Variants in BCKDHB observed in about 807,000 individuals in gnomAD.
The protein encoded by BCKDHB is 2-oxoisovalerate dehydrogenase subunit beta, mitochondrial.
A neutral mutation model predicts 48.5 loss-of-function variants in BCKDHB; 41 were observed. The observed-to-expected ratio is 0.85, with a 90% CI of 0.66 to 1.10. The LOEUF (loss-of-function observed/expected upper bound fraction) is 1.10. Among genes scored for constraint, BCKDHB ranks in the 50% least tolerant of loss-of-function variants. The pLI, the probability that BCKDHB is intolerant of heterozygous loss-of-function variation, is 0.00. For missense variants in BCKDHB, 496 were observed against 494.2 expected, an observed-to-expected ratio of 1.00 and a Z score of -0.03; for synonymous variants, 201 against 174.8, an observed-to-expected ratio of 1.15 and a Z score of -1.18.
At chr6:80,176,891 A>T (rs1158706860) in intron 6 of BCKDHB, among the ~76,000 whole-genome samples, 1 of 152,136 alleles carries the variant, frequency 6.6e-6, no homozygotes, top group Non-Finnish European at 1.5e-5. Flanking sequence ...GAAGCTATAA[A>T]CCCATGTAGA....
At chr6:80,169,709 T>C in intron 5 of BCKDHB, 1 of 1,057,048 alleles carries the variant, frequency 9.5e-7, no homozygotes, top group South Asian at 1.8e-5. Context: ...AACCCATAGA[T>C]GTGTGAATCC....
the BCKDHB span, among the ~76,000 whole-genome samples, chr6:80,441,488 G>C: frequency 1.3e-5 from 2 of 151,938 alleles, no homozygotes; most frequent in Non-Finnish European, 1.5e-5. Flanking sequence ...ACATGTTAAT[G>C]GTCAATTTAA....
chr6:80,348,588 TA>T (rs1770307235), downstream of BCKDHB, among the ~76,000 whole-genome samples: 1 of 152,214 alleles, frequency 6.6e-6, no homozygotes, highest in Non-Finnish European at 1.5e-5. Context: ...AAACAAAAAG[TA>T]TTAGACTCAG....
chr6:80,180,356 A>G (rs989971802), intron 6 of BCKDHB, among the ~76,000 whole-genome samples: 1 of 152,208 alleles, frequency 6.6e-6, no homozygotes, highest in Non-Finnish European at 1.5e-5. Context: ...AAAGGTAGAT[A>G]AGGCAGAAAA....
Position 80,206,541 on chromosome 6 carries a change from T to TTGTGTGTG in BCKDHB, c.951+3349_951+3356dup, listed in dbSNP as rs35972426. On this transcript the variant is annotated intron_variant, in intron 8 of 9. Transcript: ENST00000320393. ...AGGGTGGAGAATTACCCTAGAAAGTTTGTGTGTGTGTGTGTGTGTGTGTGT... is the reference window on the plus strand; with the variant it reads ...AGGGTGGAGAATTACCCTAGAAAGTTTGTGTGTGTGTGTGTGTGTGTGTGTGTGTGTGT... 8.0e-3 allele frequency among the ~76,000 whole-genome samples: 1,169 copies of TTGTGTGTG among 145,816 alleles called. 15 individuals carry two copies. The highest frequency in any genetic ancestry group is 0.028 in the African/African-American group (1,102 of 40,016).
At chr6:80,295,500 A>G (rs567265128) in intron 9 of BCKDHB, among the ~76,000 whole-genome samples, 1 of 152,038 alleles carries the variant, frequency 6.6e-6, no homozygotes, top group Non-Finnish European at 1.5e-5. Context: ...CTCCCACCGG[A>G]TCTCTCCCAT....
chr6:80,106,736 A>C lies in BCKDHB; in HGVS notation c.43A>C (p.Arg15=), dbSNP rs781373417. 4.5e-6 allele frequency: 7 copies of C among 1,562,520 alleles called. No homozygotes were observed. The highest frequency in any genetic ancestry group is 5.2e-6 in the Non-Finnish European group (6 of 1,154,728). The change falls in exon 1 of 10, where the codon AGG becomes CGG. Residue 15 remains arginine, a synonymous_variant. Coordinates refer to ENST00000320393, the MANE Select transcript of BCKDHB (RefSeq NM_183050.4). ...GGCTGCCGGCTGGCTACTCAGGCTC[A>C]GGGCGGCAGGGGCTGAGGGGCACTG... ...AAAAGWLLRL[R]AAGAEGHWRR...
chr6:80,348,573 T>C (rs1770306712), downstream of BCKDHB, among the ~76,000 whole-genome samples: 1 of 152,184 alleles, frequency 6.6e-6, no homozygotes, highest in Non-Finnish European at 1.5e-5. Flanking sequence ...AGGATACCCA[T>C]GCAGAAACAA....
chr6:80,295,407 C>CT (rs1302469188), intron 9 of BCKDHB, among the ~76,000 whole-genome samples: 1 of 151,900 alleles, frequency 6.6e-6, no homozygotes, highest in Non-Finnish European at 1.5e-5. Flanking sequence ...GGGATCTCCC[C>CT]TTTATAAAAC....
intron 8 of BCKDHB, among the ~76,000 whole-genome samples, chr6:80,203,843 C>G (rs1443741986): frequency 6.6e-6 from 1 of 152,030 alleles, no homozygotes; most frequent in Non-Finnish European, 1.5e-5. Flanking sequence ...TCATTTACCT[C>G]TTTATATCCA....
the BCKDHB span, among the ~76,000 whole-genome samples, chr6:80,411,433 G>A: frequency 1.3e-4 from 20 of 152,230 alleles, no homozygotes; most frequent in Non-Finnish European, 1.8e-4. Context: ...ACCCACTTGA[G>A]GAGGCATTCT....
At chr6:80,294,323 C>A (rs1767107072) in intron 9 of BCKDHB, among the ~76,000 whole-genome samples, 1 of 152,128 alleles carries the variant, frequency 6.6e-6, no homozygotes, top group Non-Finnish European at 1.5e-5. Context: ...ACCTCAGGAC[C>A]ATGGTGATAA....
chr6:80,197,681 T>C (rs770658996), intron 6 of BCKDHB, among the ~76,000 whole-genome samples: 2 of 152,134 alleles, frequency 1.3e-5, no homozygotes, highest in South Asian at 2.1e-4. Context: ...CACTTACAAG[T>C]AAGATGGAAT....
At chr6:80,446,224 G>A in the BCKDHB span, among the ~76,000 whole-genome samples, 2 of 152,212 alleles carry the variant, frequency 1.3e-5, no homozygotes, top group South Asian at 2.1e-4. Context: ...AGAGATTAAA[G>A]CAGTTTAGAT....
intron 8 of BCKDHB, among the ~76,000 whole-genome samples, chr6:80,254,835 G>A (rs184202473): frequency 2.8e-4 from 42 of 152,322 alleles, no homozygotes; most frequent in Admixed American, 2.0e-3. Flanking sequence ...AAACAACTCT[G>A]TTGACAGCTT....
intron 8 of BCKDHB, among the ~76,000 whole-genome samples, chr6:80,258,960 T>C (rs1218183686): frequency 6.6e-6 from 1 of 152,238 alleles, no homozygotes; most frequent in Non-Finnish European, 1.5e-5. Flanking sequence ...CTACTTTATT[T>C]GCAAATGTTT....
intron 1 of BCKDHB, among the ~76,000 whole-genome samples, chr6:80,118,971 T>G (rs1769857320): frequency 6.6e-6 from 1 of 152,172 alleles, no homozygotes; most frequent in South Asian, 2.1e-4. Flanking sequence ...AGTTATGTTC[T>G]TCTCTGAAGT....
At chr6:80,424,792 A>G in the BCKDHB span, among the ~76,000 whole-genome samples, 3 of 152,174 alleles carry the variant, frequency 2.0e-5, no homozygotes, top group African/African-American at 7.2e-5. Flanking sequence ...AGCAAAGGGT[A>G]TTTTTGGGTA....
At chr6:80,351,671 G>A in the BCKDHB span, among the ~76,000 whole-genome samples, 1 of 130,192 alleles carries the variant, frequency 7.7e-6, no homozygotes, top group Non-Finnish European at 1.6e-5. Context: ...GAGACAGGGT[G>A]TCACTCTGTC....
Sources: gnomAD v4.1 joint callset for allele counts (sites outside exome capture counted in the v4.1 genomes callset) on GRCh38, gnomAD v4.1.1 for gene constraint, MANE v1.5 for transcripts, NCBI Gene and HGNC (gene_info 2026-07-23, HGNC 2026-07-21) for gene names.